The following LRP1B variants were observed in gnomAD, a reference collection of about 807,000 sequenced individuals.
LRP1B encodes LDL receptor related protein 1B.
A neutral mutation model predicts 556.6 loss-of-function variants in LRP1B; 217 were observed. The ratio of observed to expected loss-of-function variants is 0.39; its 90% CI spans 0.35 to 0.44. LRP1B has a LOEUF of 0.44. Among genes scored for constraint, LRP1B ranks in the 20% least tolerant of loss-of-function variants. LRP1B has a pLI of 1.00. For synonymous variants in LRP1B, 2,047 were observed against 1,865.8 expected (o/e 1.10, Z -2.50); for missense variants, 5,053 against 5,620.8 (o/e 0.90, Z 3.23).
chr2:140,285,223 A>T (rs988505723), intron 84 of LRP1B, among the ~76,000 whole-genome samples: 1 of 150,784 alleles, frequency 6.6e-6, no homozygotes, highest in Non-Finnish European at 1.5e-5. Flanking sequence ...ATAGAGATAT[A>T]GATAGGTATA....
intron 11 of LRP1B, among the ~76,000 whole-genome samples, chr2:141,048,563 T>C (rs2105444641): frequency 6.6e-6 from 1 of 152,216 alleles, no homozygotes; most frequent in African/African-American, 2.4e-5. Context: ...GCAAGAATTG[T>C]GATGACAATG....
At chr2:141,823,547 G>A (rs960402173) in intron 1 of LRP1B, among the ~76,000 whole-genome samples, 1 of 152,162 alleles carries the variant, frequency 6.6e-6, no homozygotes, top group African/African-American at 2.4e-5. Context: ...ATACAAGATT[G>A]TCAAGCTGAT....
chr2:141,878,033 A>T (rs185123521), intron 1 of LRP1B, among the ~76,000 whole-genome samples: 1 of 151,982 alleles, frequency 6.6e-6, no homozygotes, highest in African/African-American at 2.4e-5. Context: ...AAATGTTTGC[A>T]TTCTTAAATT....
intron 71 of LRP1B, among the ~76,000 whole-genome samples, chr2:140,369,679 T>C (rs1456865965): frequency 6.6e-6 from 1 of 151,830 alleles, no homozygotes; most frequent in Non-Finnish European, 1.5e-5. Flanking sequence ...AAAAAAACTA[T>C]TTTTTTCTGC....
chr2:140,462,186 T>C (rs969768255), intron 60 of LRP1B, among the ~76,000 whole-genome samples: 4 of 152,190 alleles, frequency 2.6e-5, no homozygotes, highest in Non-Finnish European at 5.9e-5. Context: ...TCCCATTTTT[T>C]AAAAGAATTC....
intron 67 of LRP1B, among the ~76,000 whole-genome samples, chr2:140,384,444 G>T (rs1683672081): frequency 1.3e-5 from 2 of 152,062 alleles, no homozygotes; most frequent in South Asian, 4.1e-4. Context: ...TTAAAAACTG[G>T]TGATTAAAGA....
At chr2:140,842,407 T>C (rs1692138017) in intron 29 of LRP1B, among the ~76,000 whole-genome samples, 1 of 152,226 alleles carries the variant, frequency 6.6e-6, no homozygotes, top group Non-Finnish European at 1.5e-5. Context: ...TTAGTATTTC[T>C]AAGTAACTAA....
At chr2:141,306,192 A>C (rs1686580530) in intron 3 of LRP1B, among the ~76,000 whole-genome samples, 1 of 152,038 alleles carries the variant, frequency 6.6e-6, no homozygotes, top group Non-Finnish European at 1.5e-5. Flanking sequence ...CTACTCTTCA[A>C]TTATTTAGAA....
intron 7 of LRP1B, among the ~76,000 whole-genome samples, chr2:141,074,835 C>T (rs1336328973): frequency 6.6e-6 from 1 of 152,026 alleles, no homozygotes; most frequent in African/African-American, 2.4e-5. Flanking sequence ...GCCTAAATTA[C>T]TAATCATAAA....
intron 23 of LRP1B, among the ~76,000 whole-genome samples, chr2:140,901,479 A>G (rs1359573702): frequency 6.6e-6 from 1 of 152,148 alleles, no homozygotes; most frequent in African/African-American, 2.4e-5. Flanking sequence ...GGTTACATGA[A>G]ATATTTTGAT....
chr2:141,558,313 T>A (rs1183701230), intron 2 of LRP1B, among the ~76,000 whole-genome samples: 1 of 151,794 alleles, frequency 6.6e-6, no homozygotes, highest in Non-Finnish European at 1.5e-5. Flanking sequence ...CTGGTGGGCA[T>A]CTCCTCATCA....
At chr2:140,325,706 TAGTATTTAACACTCTC>T in intron 80 of LRP1B, 40 bp downstream of exon 80, 1 of 1,130,208 alleles carries the variant, frequency 8.8e-7, no homozygotes, top group Non-Finnish European at 1.3e-6. Context: ...ATTTTTGTAT[TAGTATTTAACACTCTC>T]AGTAACAATT....
At chr2:140,653,227 C>T (rs1391214704) in intron 41 of LRP1B, among the ~76,000 whole-genome samples, 1 of 151,980 alleles carries the variant, frequency 6.6e-6, no homozygotes, top group African/African-American at 2.4e-5. Context: ...TTGAGGAAAC[C>T]TCCCGGACTA....
intron 2 of LRP1B, among the ~76,000 whole-genome samples, chr2:141,480,965 T>C (rs909183989): frequency 1.3e-5 from 2 of 152,178 alleles, no homozygotes; most frequent in Admixed American, 1.3e-4. Flanking sequence ...GGAACAAAAA[T>C]GTTTCAGTGG....
intron 3 of LRP1B, among the ~76,000 whole-genome samples, chr2:141,282,465 T>TTACATG (rs1685543870): frequency 7.4e-6 from 1 of 135,660 alleles, no homozygotes; most frequent in South Asian, 2.6e-4. Flanking sequence ...CTCGGGGGTT[T>TTACATG]TATATGTATA....
intron 2 of LRP1B, among the ~76,000 whole-genome samples, chr2:141,637,595 C>CTCCTGG (rs1689147861): frequency 6.6e-6 from 1 of 152,204 alleles, no homozygotes; most frequent in African/African-American, 2.4e-5. Context: ...CAGGTATCTT[C>CTCCTGG]TCCTGGTTTG....
At chr2:141,662,963 T>TA (rs70994444) in intron 2 of LRP1B, among the ~76,000 whole-genome samples, 47,552 of 149,644 alleles carry the variant, frequency 0.32, 8,209 homozygotes, top group East Asian at 0.56. Flanking sequence ...AAAAAATAAA[T>TA]AAAAAAAAAG....
At chr2:140,469,401 C>T (rs563373259) in intron 60 of LRP1B, among the ~76,000 whole-genome samples, 1 of 152,268 alleles carries the variant, frequency 6.6e-6, no homozygotes, top group East Asian at 1.9e-4. Context: ...CATGGACTTC[C>T]CAGCCTCCAC....
rs763332949 is a variant in LRP1B, at chr2:140,325,807, G to A, written c.12295C>T (p.Leu4099=). The change falls in exon 80 of 91, where the codon CTG becomes TTG. Residue 4099 remains leucine (L), a synonymous_variant. Transcript: ENST00000389484. ...DFELSIIGSV[L]YDGSNSVVSV... is the part of the protein sequence containing the mutation. ...ACTACTGAATTAGAGCCATCATACA[G>A]AACACTGCCAATGATGGAGAGCTCA... 1 of 1,613,032 alleles carries A rather than the reference G, an allele frequency of 6.2e-7. No individual in the cohort carries two copies. The highest frequency in any genetic ancestry group is 8.5e-7 in the Non-Finnish European group (1 of 1,179,494).
Sources: gnomAD v4.1 joint callset for allele counts (sites outside exome capture counted in the v4.1 genomes callset) on GRCh38, gnomAD v4.1.1 for gene constraint, MANE v1.5 for transcripts, NCBI Gene and HGNC (gene_info 2026-07-23, HGNC 2026-07-21) for gene names.